The following SNTG1 variants were observed in gnomAD, a reference collection of about 807,000 sequenced individuals.
SNTG1 encodes the protein gamma-1-syntrophin.
In SNTG1, 39 loss-of-function variants were observed where a neutral mutation model predicts 74.7. The ratio of observed to expected loss-of-function variants is 0.52; its 90% CI spans 0.40 to 0.68. The LOEUF (loss-of-function observed/expected upper bound fraction) is 0.68. Among genes scored for constraint, SNTG1 ranks in the 30% least tolerant of loss-of-function variants. The pLI is 0.00. For missense variants in SNTG1, 685 were observed against 609.5 expected (o/e 1.12, Z -1.30); for synonymous variants, 254 against 217.1 (o/e 1.17, Z -1.49).
At chr8:50,589,037 T>C (rs1563617643) in intron 12 of SNTG1, among the ~76,000 whole-genome samples, 1 of 152,140 alleles carries the variant, frequency 6.6e-6, no homozygotes, top group Non-Finnish European at 1.5e-5. Flanking sequence ...TTCTAATTTC[T>C]GATACAGATA....
intron 12 of SNTG1, among the ~76,000 whole-genome samples, chr8:50,557,234 A>G (rs1231313841): frequency 1.3e-5 from 2 of 151,936 alleles, no homozygotes; most frequent in Non-Finnish European, 2.9e-5. Flanking sequence ...AAAAAAAAAA[A>G]AAAACAGGAT....
chr8:50,726,167 T>C (rs79626814), intron 17 of SNTG1, among the ~76,000 whole-genome samples: 6 of 152,190 alleles, frequency 3.9e-5, no homozygotes, highest in African/African-American at 1.4e-4. Context: ...GAACTCCTCA[T>C]TGCATTAAAA....
intron 1 of SNTG1, among the ~76,000 whole-genome samples, chr8:49,942,492 C>T (rs1808786975): frequency 6.6e-6 from 1 of 151,924 alleles, no homozygotes; most frequent in Admixed American, 6.6e-5. Flanking sequence ...TACTACAGTT[C>T]CTACTTAATT....
intron 1 of SNTG1, among the ~76,000 whole-genome samples, chr8:50,098,131 ATATT>A (rs2079996362): frequency 1.3e-5 from 2 of 152,158 alleles, no homozygotes; most frequent in Admixed American, 1.3e-4. Context: ...AGACATAAAA[ATATT>A]TATCTTCATT....
chr8:50,208,824 G>A (rs1360813255), intron 2 of SNTG1, among the ~76,000 whole-genome samples: 1 of 152,174 alleles, frequency 6.6e-6, no homozygotes, highest in Non-Finnish European at 1.5e-5. Context: ...GCAGTTCCCA[G>A]CGTGAGCGAA....
At chr8:50,549,262 A>G (rs1391285766) in intron 11 of SNTG1, among the ~76,000 whole-genome samples, 1 of 152,136 alleles carries the variant, frequency 6.6e-6, no homozygotes, top group African/African-American at 2.4e-5. Flanking sequence ...CACACAGGGA[A>G]GAAACAGCTC....
chr8:50,515,884 G>A (rs1197803486), intron 9 of SNTG1, among the ~76,000 whole-genome samples: 1 of 152,128 alleles, frequency 6.6e-6, no homozygotes, highest in Admixed American at 6.5e-5. Context: ...GGCTTCAGCA[G>A]ACTTAAACGT....
At chr8:50,249,432 C>A (rs1181220773) in intron 2 of SNTG1, among the ~76,000 whole-genome samples, 2 of 152,200 alleles carry the variant, frequency 1.3e-5, no homozygotes, top group Non-Finnish European at 1.5e-5. Flanking sequence ...TTGGGGGCAG[C>A]CCCTGGACTC....
At chr8:50,422,833 C>T (rs914202257) in intron 4 of SNTG1, among the ~76,000 whole-genome samples, 4 of 152,192 alleles carry the variant, frequency 2.6e-5, no homozygotes, top group Non-Finnish European at 4.4e-5. Flanking sequence ...AGAATGCAGG[C>T]TCCTCTACTC....
chr8:50,309,089 A>AT (rs568363609), intron 2 of SNTG1, among the ~76,000 whole-genome samples: 1 of 152,020 alleles, frequency 6.6e-6, no homozygotes, highest in Non-Finnish European at 1.5e-5. Context: ...TAAAAAAAAA[A>AT]TTTTCTAAAG....
At chr8:50,198,448 A>G (rs2083862209) in intron 2 of SNTG1, among the ~76,000 whole-genome samples, 1 of 152,152 alleles carries the variant, frequency 6.6e-6, no homozygotes, top group Admixed American at 6.6e-5. Flanking sequence ...CCTGAAGCAG[A>G]AGATTTTTCT....
chr8:50,174,004 A>C (rs34722367), intron 2 of SNTG1, among the ~76,000 whole-genome samples: 44,880 of 151,810 alleles, frequency 0.3, 6,740 homozygotes, highest in South Asian at 0.43. Context: ...CAACTCCCAA[A>C]AGGCCCTGGT....
chr8:50,085,002 A>G (rs1426640459), intron 1 of SNTG1, among the ~76,000 whole-genome samples: 2 of 152,214 alleles, frequency 1.3e-5, no homozygotes, highest in Non-Finnish European at 2.9e-5. Context: ...AAACAAAAAC[A>G]ACATGTTTGT....
At chr8:49,919,899 T>C (rs1806379147) in intron 1 of SNTG1, among the ~76,000 whole-genome samples, 1 of 152,116 alleles carries the variant, frequency 6.6e-6, no homozygotes, top group African/African-American at 2.4e-5. Flanking sequence ...TCTACTTGTG[T>C]ACATTTTACA....
intron 1 of SNTG1, among the ~76,000 whole-genome samples, chr8:49,996,869 A>G (rs939355136): frequency 2.0e-5 from 3 of 152,164 alleles, no homozygotes; most frequent in Admixed American, 2.0e-4. Context: ...AGATTGTGGC[A>G]ATCCTGGAAT....
chr8:50,408,147 G>T (rs1160161222), intron 4 of SNTG1, among the ~76,000 whole-genome samples: 1 of 152,134 alleles, frequency 6.6e-6, no homozygotes, highest in South Asian at 2.1e-4. Flanking sequence ...CAGAAATCAG[G>T]TCCCTAGCAT....
At chr8:50,584,306 G>A (rs1296021112) in intron 12 of SNTG1, among the ~76,000 whole-genome samples, 1 of 150,672 alleles carries the variant, frequency 6.6e-6, no homozygotes, top group African/African-American at 2.4e-5. Context: ...GGGTCAAATG[G>A]TATTTCTAGT....
intron 1 of SNTG1, among the ~76,000 whole-genome samples, chr8:50,145,729 A>G (rs2081839101): frequency 6.6e-6 from 1 of 152,120 alleles, no homozygotes; most frequent in Non-Finnish European, 1.5e-5. Flanking sequence ...AAAATAACAA[A>G]TTTCCTTATT....
chr8:50,759,347 C>T (rs963405854), intron 18 of SNTG1, among the ~76,000 whole-genome samples: 3 of 151,904 alleles, frequency 2.0e-5, no homozygotes, highest in Admixed American at 6.6e-5. Flanking sequence ...GCTTTTGTTG[C>T]CATTGCTTTT....
Sources: gnomAD v4.1 joint callset for allele counts (sites outside exome capture counted in the v4.1 genomes callset) on GRCh38, gnomAD v4.1.1 for gene constraint, MANE v1.5 for transcripts, NCBI Gene and HGNC (gene_info 2026-07-23, HGNC 2026-07-21) for gene names.